TRIM9: variants seen among roughly 807,000 people sequenced by gnomAD.
TRIM9 encodes the protein E3 ubiquitin-protein ligase TRIM9.
A neutral mutation model predicts 78.3 loss-of-function variants in TRIM9; 26 were observed. The ratio of observed to expected loss-of-function variants is 0.33; its 90% CI spans 0.24 to 0.46. The LOEUF (loss-of-function observed/expected upper bound fraction) is 0.46. TRIM9 is among the 20% of genes least tolerant of loss of function. The pLI, the probability that TRIM9 is intolerant of heterozygous loss-of-function variation, is 1.00. For synonymous variants in TRIM9, 398 were observed against 416.5 expected, an observed-to-expected ratio of 0.96 and a Z score of 0.54; for missense variants, 787 against 1,036.4, an observed-to-expected ratio of 0.76 and a Z score of 3.30.
At chr14:51,054,016 A>G (rs1349718327) in intron 1 of TRIM9, among the ~76,000 whole-genome samples, 1 of 152,240 alleles carries the variant, frequency 6.6e-6, no homozygotes, top group Non-Finnish European at 1.5e-5. Flanking sequence ...AACTTTTAAA[A>G]TTGATTATCT....
intron 1 of TRIM9, chr14:51,089,131 T>C (rs2064068118): frequency 6.6e-6 from 1 of 152,186 alleles, no homozygotes. Flanking sequence ...GTTTCTAGCT[T>C]TATAGTTCCA....
intron 2 of TRIM9, 71 bp downstream of exon 2, chr14:51,025,193 GA>G: frequency 1.5e-6 from 2 of 1,332,534 alleles, no homozygotes; most frequent in Non-Finnish European, 2.1e-6. Context: ...TAAAAGAGGA[GA>G]AGGAAACTCT....
chr14:51,065,475 T>C (rs866970018), intron 1 of TRIM9, among the ~76,000 whole-genome samples: 18 of 152,176 alleles, frequency 1.2e-4, no homozygotes, highest in African/African-American at 2.4e-5. Flanking sequence ...AGCCAAAATC[T>C]AGCTACATGG....
At chr14:50,979,575 T>C (rs150839127) in intron 11 of TRIM9, 26 bp from the exon 12 acceptor site, 1 of 1,598,540 alleles carries the variant, frequency 6.3e-7, no homozygotes, top group African/African-American at 1.3e-5. Flanking sequence ...AAAATTGGGG[T>C]TCATTTCCTT....
At chr14:51,015,047 C>G (rs1287626873) in intron 3 of TRIM9, among the ~76,000 whole-genome samples, 2 of 152,194 alleles carry the variant, frequency 1.3e-5, no homozygotes, top group African/African-American at 4.8e-5. Flanking sequence ...ATCAGCGGAG[C>G]CACCATCTGT....
At chr14:51,036,617 T>A (rs1464978912) in intron 1 of TRIM9, among the ~76,000 whole-genome samples, 1 of 152,228 alleles carries the variant, frequency 6.6e-6, no homozygotes, top group Non-Finnish European at 1.5e-5. Context: ...CACTATACTA[T>A]TTATGGAATA....
chr14:50,988,574 CTT>C (rs67154650), intron 7 of TRIM9, among the ~76,000 whole-genome samples: 10,378 of 138,190 alleles, frequency 0.075, 651 homozygotes, highest in African/African-American at 0.2. Flanking sequence ...ACAACCATTT[CTT>C]TTTTTTTTTT....
intron 1 of TRIM9, among the ~76,000 whole-genome samples, chr14:51,035,785 A>T: frequency 6.6e-6 from 1 of 152,238 alleles, no homozygotes; most frequent in East Asian, 1.9e-4. Flanking sequence ...CCATCTCTGG[A>T]ATGTAAAATC....
At chr14:51,001,454 C>T (rs1042655650) in intron 5 of TRIM9, among the ~76,000 whole-genome samples, 2 of 151,404 alleles carry the variant, frequency 1.3e-5, no homozygotes, top group East Asian at 3.9e-4. Context: ...TGGTCTTGAT[C>T]TCCTGACCTC....
intron 8 of TRIM9, among the ~76,000 whole-genome samples, chr14:50,985,525 A>T (rs1187698705): frequency 6.6e-6 from 1 of 151,894 alleles, no homozygotes; most frequent in African/African-American, 2.4e-5. Context: ...TAATCAGACC[A>T]CTCCAGGCTG....
intron 3 of TRIM9, among the ~76,000 whole-genome samples, chr14:51,018,728 A>G (rs1161070738): frequency 6.6e-6 from 1 of 152,246 alleles, no homozygotes; most frequent in African/African-American, 2.4e-5. Context: ...ATCAGCCCTC[A>G]GCATCCTCGC....
chr14:50,983,064 A>G (rs1247740266), intron 9 of TRIM9, 99 bp from the exon 10 acceptor site: 4 of 1,178,488 alleles, frequency 3.4e-6, no homozygotes, highest in Non-Finnish European at 4.9e-6. Flanking sequence ...AGTACCCCAA[A>G]AGGACTCAAT....
chr14:51,076,794 A>G (rs74710659), intron 1 of TRIM9, among the ~76,000 whole-genome samples: 254 of 152,270 alleles, frequency 1.7e-3, no homozygotes, highest in African/African-American at 5.9e-3. Context: ...CAAATAACTA[A>G]CCCAAGTTCA....
intron 10 of TRIM9, 35 bp from the exon 11 acceptor site, chr14:50,982,138 C>A: frequency 6.2e-7 from 1 of 1,605,820 alleles, no homozygotes; most frequent in Non-Finnish European, 8.5e-7. Context: ...GTTATTAAGA[C>A]AGACCCAACA....
chr14:51,026,592 C>G (rs1361884544), intron 1 of TRIM9, among the ~76,000 whole-genome samples: 2 of 152,132 alleles, frequency 1.3e-5, no homozygotes, highest in African/African-American at 2.4e-5. Flanking sequence ...TTCATCTACC[C>G]TTTCCTTTCT....
chr14:51,034,045 T>C (rs2058947318), intron 1 of TRIM9, among the ~76,000 whole-genome samples: 1 of 152,152 alleles, frequency 6.6e-6, no homozygotes, highest in Non-Finnish European at 1.5e-5. Context: ...CTATTAAAAC[T>C]GGTAATCCAT....
chr14:51,011,761 C>G (rs779945350), intron 3 of TRIM9, among the ~76,000 whole-genome samples: 1 of 152,158 alleles, frequency 6.6e-6, no homozygotes, highest in Non-Finnish European at 1.5e-5. Flanking sequence ...TCTTATCATT[C>G]TAGTGTAAAT....
chr14:51,029,482 C>T (rs1315745954), intron 1 of TRIM9, among the ~76,000 whole-genome samples: 1 of 152,178 alleles, frequency 6.6e-6, no homozygotes, highest in East Asian at 1.9e-4. Flanking sequence ...AAAAAGTGAT[C>T]ATTGATGCAA....
chr14:51,010,571 G>T (rs1056464776), intron 3 of TRIM9, 77 bp from the exon 4 acceptor site: 2 of 1,066,696 alleles, frequency 1.9e-6, no homozygotes, highest in Non-Finnish European at 1.4e-6. Flanking sequence ...CCATTGGAAA[G>T]CTTCTTCAAA....
Sources: allele counts gnomAD v4.1 joint callset (sites outside exome capture counted in the v4.1 genomes callset), GRCh38; gene constraint gnomAD v4.1.1; transcripts MANE v1.5; gene names NCBI Gene and HGNC (gene_info 2026-07-23, HGNC 2026-07-21).